Variants in ITGAV observed in about 807,000 individuals in gnomAD.
ITGAV encodes the protein integrin subunit alpha V.
Under a neutral mutation model 143.8 loss-of-function variants are expected in ITGAV, and 76 were observed. That is an observed-to-expected ratio of 0.53 (90% confidence interval 0.44 to 0.64). ITGAV has a LOEUF of 0.64. Among genes scored for constraint, ITGAV ranks in the 30% least tolerant of loss-of-function variants. ITGAV has a pLI of 0.00. For synonymous variants in ITGAV, 453 were observed against 446.7 expected (o/e 1.01, Z -0.18); for missense variants, 1,193 against 1,274.7 (o/e 0.94, Z 0.98).
At chr2:186,604,665 A>G (rs999506337) in intron 2 of ITGAV, among the ~76,000 whole-genome samples, 6 of 152,192 alleles carry the variant, frequency 3.9e-5, no homozygotes, top group African/African-American at 7.2e-5. Context: ...CGTCAGTTTT[A>G]TAGGAGGAGA....
chr2:186,624,358 G>A (rs182006818), intron 3 of ITGAV, among the ~76,000 whole-genome samples: 1 of 152,222 alleles, frequency 6.6e-6, no homozygotes, highest in African/African-American at 2.4e-5. Flanking sequence ...AGGAGGTGAA[G>A]TTTTAGCAGA....
At chr2:186,634,255 C>T (rs1038133937) in intron 6 of ITGAV, among the ~76,000 whole-genome samples, 2 of 149,616 alleles carry the variant, frequency 1.3e-5, no homozygotes, top group African/African-American at 4.9e-5. Flanking sequence ...TAGAGATACA[C>T]AATTATTTAT....
intron 15 of ITGAV, 45 bp from the exon 16 acceptor site, chr2:186,654,605 T>C (rs1443177260): frequency 2.0e-6 from 2 of 983,718 alleles, no homozygotes. Flanking sequence ...AAAATATGTC[T>C]AAACTGAATT....
Position 186,623,218 on chromosome 2 carries a change from T to G in ITGAV, c.408+788T>G, listed in dbSNP as rs192228166. Among the ~76,000 whole-genome samples the G allele has an allele frequency of 2.2e-3, 337 of 152,338 alleles. 1 individual carries two copies. The highest frequency in any genetic ancestry group is 7.7e-3 in the African/African-American group (322 of 41,562). On this transcript the variant is annotated intron_variant, in intron 3 of 29. Coordinates refer to ENST00000261023, the MANE Select transcript of ITGAV (RefSeq NM_002210.5). ...TTCCCTTTCCTATGTCATCATTGAC[T>G]TTCAGGTCACTGAAATCCACTAGCA...
intron 2 of ITGAV, among the ~76,000 whole-genome samples, chr2:186,606,263 C>A (rs1687062586): frequency 1.3e-5 from 2 of 152,164 alleles, no homozygotes; most frequent in Admixed American, 1.3e-4. Flanking sequence ...TCAAGGGAGA[C>A]AGAAGCTGAG....
Position 186,679,765 on chromosome 2 carries a change from G to A in ITGAV, c.*2473G>A, listed in dbSNP as rs1015490388. The A allele has an allele frequency of 1.3e-5, 2 of 151,962 alleles. No individual in the cohort carries two copies. The highest frequency in any genetic ancestry group is 6.6e-5 in the Admixed American group (1 of 15,258). 9.4% of individuals were successfully genotyped at this position (151,962 alleles called of 1,614,324 possible). On this transcript the variant is annotated 3_prime_UTR_variant, in exon 30 of 30. Coordinates refer to ENST00000261023, the MANE Select transcript of ITGAV (RefSeq NM_002210.5). ...TTGATATTTTGAGAAAAATACATGT[G>A]AGTCATTTTTTCTGTTTCTCTTTTC...
intron 21 of ITGAV, among the ~76,000 whole-genome samples, chr2:186,665,798 T>A (rs1187195280): frequency 2.0e-5 from 3 of 152,212 alleles, no homozygotes; most frequent in Admixed American, 6.5e-5. Context: ...TTCAATAGAA[T>A]TTATTTAATG....
intron 16 of ITGAV, among the ~76,000 whole-genome samples, chr2:186,655,974 C>G (rs1688570984): frequency 6.6e-6 from 1 of 152,050 alleles, no homozygotes. Context: ...GATAGCATTT[C>G]TCCTGTCTGA....
intron 1 of ITGAV, among the ~76,000 whole-genome samples, chr2:186,591,244 G>GCAGT (rs1686607549): frequency 6.6e-6 from 1 of 152,172 alleles, no homozygotes; most frequent in African/African-American, 2.4e-5. Context: ...TTTGAATACT[G>GCAGT]CAGTATTTAA....
In ITGAV at chr2:186,605,782, C is replaced by A. The variant is rs1258736795; in HGVS notation, c.316+3631C>A. Among the ~76,000 whole-genome samples the A allele has an allele frequency of 2.3e-5, 2 of 87,230 alleles. 1 individual carries two copies. Among genetic ancestry groups the A allele is most frequent in the Non-Finnish European group, 5.0e-5 (2 of 40,308 alleles). The allele number at this position is 87,230 out of a possible 152,430, so 57.2% of individuals were successfully genotyped here. On this transcript the variant is annotated intron_variant, in intron 2 of 29. Coordinates refer to ENST00000261023, the MANE Select transcript of ITGAV (RefSeq NM_002210.5). ...TATTTATATGTATAATACATATATT[C>A]TTATGTATATGTATAATATATTCTT...
intron 2 of ITGAV, among the ~76,000 whole-genome samples, chr2:186,618,026 T>A (rs1440525907): frequency 6.6e-6 from 1 of 152,234 alleles, no homozygotes; most frequent in Non-Finnish European, 1.5e-5. Flanking sequence ...CTCATGTGCC[T>A]CAGGATAGCT....
At position 186,665,172 on chromosome 2, in the gene ITGAV, G is replaced by C; in HGVS notation, c.2120G>C (p.Arg707Pro). 1 of 1,609,680 alleles carries C rather than the reference G, an allele frequency of 6.2e-7. No individual in the cohort carries two copies. Among genetic ancestry groups the C allele is most frequent in the Non-Finnish European group, 8.5e-7 (1 of 1,179,054 alleles). The change falls in exon 21 of 30, where the codon CGC becomes CCC. Residue 707 changes from arginine (R) to proline (P), a missense_variant. Coordinates refer to ENST00000261023, the MANE Select transcript of ITGAV (RefSeq NM_002210.5). ...GCATTTAAGACAGAAAACCAAACTC[G>C]CCAGGTGGTATGTGACCTTGGAAAC... ...SCAFKTENQT[R>P]QVVCDLGNPM... is the part of the protein sequence containing the mutation.
intron 13 of ITGAV, among the ~76,000 whole-genome samples, chr2:186,647,909 A>G (rs1272956086): frequency 6.6e-6 from 1 of 152,182 alleles, no homozygotes; most frequent in African/African-American, 2.4e-5. Flanking sequence ...AATTAGTAGT[A>G]TTTTAGAGTT....
chr2:186,656,591 A>G (rs1051314715), intron 17 of ITGAV, among the ~76,000 whole-genome samples, 190 bp downstream of exon 17: 1 of 152,242 alleles, frequency 6.6e-6, no homozygotes, highest in African/African-American at 2.4e-5. Flanking sequence ...TGGATATTCC[A>G]AATGGCCTTT....
chr2:186,638,538 A>G (rs969455758), intron 10 of ITGAV, 73 bp downstream of exon 10: 1 of 1,098,924 alleles, frequency 9.1e-7, no homozygotes. Flanking sequence ...AATTTGCGAA[A>G]TAAAACTGTA....
Position 186,677,213 on chromosome 2 carries a change from G to T in ITGAV, c.3068G>T (p.Arg1023Leu). ...AACTGACAGATGGGCTTTTTTAAAC[G>T]GGTCCGGCCACCTCAAGAAGAACAA... is the stretch of plus-strand genomic sequence containing the variant. ...FVMYRMGFFK[R>L]VRPPQEEQER... Residue 1023 changes from arginine (R) to leucine (L), a missense_variant, in exon 30 of 30, where the codon CGG becomes CTG. Coordinates refer to ENST00000261023, the MANE Select transcript of ITGAV (RefSeq NM_002210.5). The T allele has an allele frequency of 6.2e-7, 1 of 1,613,598 alleles. No individual in the cohort carries two copies. The highest frequency in any genetic ancestry group is 1.1e-5 in the South Asian group (1 of 91,032).
chr2:186,659,290 C>A, intron 18 of ITGAV, 115 bp downstream of exon 18: 1 of 728,754 alleles, frequency 1.4e-6, no homozygotes, highest in Non-Finnish European at 2.0e-6. Context: ...TAGTCAAAGT[C>A]AGAAGTTTAG....
intron 5 of ITGAV, among the ~76,000 whole-genome samples, chr2:186,631,844 T>C (rs1011371091): frequency 4.6e-5 from 7 of 152,042 alleles, no homozygotes; most frequent in Non-Finnish European, 8.8e-5. Flanking sequence ...CTGAGCAACA[T>C]AGTGGGACAC....
intron 15 of ITGAV, among the ~76,000 whole-genome samples, chr2:186,653,071 G>A (rs568619429): frequency 4.0e-5 from 6 of 149,976 alleles, no homozygotes; most frequent in East Asian, 2.0e-4. Flanking sequence ...TCAGCCTCCC[G>A]AGTAGCTGGG....
Sources: gnomAD v4.1 joint callset for allele counts (sites outside exome capture counted in the v4.1 genomes callset) on GRCh38, gnomAD v4.1.1 for gene constraint, MANE v1.5 for transcripts, NCBI Gene and HGNC (gene_info 2026-07-23, HGNC 2026-07-21) for gene names.